The following CAMKMT variants were observed in gnomAD, a reference collection of about 807,000 sequenced individuals.
CAMKMT encodes CaM KMT.
Under a neutral mutation model 48.0 loss-of-function variants are expected in CAMKMT, and 53 were observed. The ratio of observed to expected loss-of-function variants is 1.10; its 90% CI spans 0.89 to 1.39. The LOEUF (loss-of-function observed/expected upper bound fraction) is 1.39, where lower values mean the gene tolerates loss of function less well. CAMKMT is among the 40% of genes most tolerant of loss of function. The pLI is 0.00. For missense variants in CAMKMT, 428 were observed against 402.7 expected, an observed-to-expected ratio of 1.06 and a Z score of -0.54; for synonymous variants, 165 against 152.3, an observed-to-expected ratio of 1.08 and a Z score of -0.61.
At chr2:44,633,074 AT>A (rs376818873) in intron 3 of CAMKMT, among the ~76,000 whole-genome samples, 1 of 151,952 alleles carries the variant, frequency 6.6e-6, no homozygotes, top group Non-Finnish European at 1.5e-5. Flanking sequence ...ATTTACTTTG[AT>A]TTTTTTCTTT....
intron 1 of CAMKMT, among the ~76,000 whole-genome samples, chr2:44,366,718 G>A (rs111939964): frequency 3.3e-5 from 5 of 150,102 alleles, no homozygotes; most frequent in South Asian, 2.1e-4. Flanking sequence ...AGCAGCTATT[G>A]TTATTATTAT....
intron 3 of CAMKMT, among the ~76,000 whole-genome samples, chr2:44,508,511 C>G (rs900183536): frequency 6.6e-6 from 1 of 152,132 alleles, no homozygotes; most frequent in African/African-American, 2.4e-5. Context: ...CCCTCACACT[C>G]AAAGGTTGTG....
chr2:44,391,808 C>G (rs1399872161), intron 3 of CAMKMT: 1 of 153,106 alleles, frequency 6.5e-6, no homozygotes, highest in African/African-American at 2.4e-5. Flanking sequence ...GTTCCATACC[C>G]CGTGTTGTTG....
intron 3 of CAMKMT, among the ~76,000 whole-genome samples, chr2:44,520,678 A>T (rs543512789): frequency 6.6e-6 from 1 of 152,166 alleles, no homozygotes; most frequent in Non-Finnish European, 1.5e-5. Context: ...TATGCACCTA[A>T]TCTCTCTGAT....
intron 3 of CAMKMT, among the ~76,000 whole-genome samples, chr2:44,548,065 G>C (rs1667502921): frequency 6.6e-6 from 1 of 152,210 alleles, no homozygotes; most frequent in Non-Finnish European, 1.5e-5. Context: ...AAAAAGCACA[G>C]AATATGCTGA....
chr2:44,457,997 G>A (rs1164891903), intron 3 of CAMKMT, among the ~76,000 whole-genome samples: 2 of 150,536 alleles, frequency 1.3e-5, no homozygotes, highest in African/African-American at 4.9e-5. Flanking sequence ...GATTAATCTG[G>A]GTTTGGAGAC....
At chr2:44,530,247 A>T (rs192408759) in intron 3 of CAMKMT, among the ~76,000 whole-genome samples, 1 of 152,334 alleles carries the variant, frequency 6.6e-6, no homozygotes, top group Admixed American at 6.5e-5. Context: ...GGGCTTGTTA[A>T]TAAACAAAGA....
chr2:44,666,612 C>CTTTTTTTTT lies in CAMKMT; in HGVS notation c.377-37662_377-37654dup, dbSNP rs1293884982. Among the ~76,000 whole-genome samples, 472 of 133,914 alleles carry CTTTTTTTTT rather than the reference C, an allele frequency of 3.5e-3. 16 individuals are homozygous for CTTTTTTTTT. The highest frequency in any genetic ancestry group is 0.013 in the African/African-American group (444 of 34,094). 87.9% of individuals were successfully genotyped at this position (133,914 alleles called of 152,430 possible). A position where few individuals can be genotyped will look rare whatever the true frequency, so the allele number is the denominator to read the frequency against. On this transcript the variant is annotated intron_variant, in intron 3 of 10. Coordinates refer to ENST00000378494, the MANE Select transcript of CAMKMT (RefSeq NM_024766.5). The stretch of plus-strand genomic sequence containing the variant: ...TTGATCTCCTTTTGGCTCCTGGAAT[C>CTTTTTTTTT]TTTTTTTTTTTTTTTTTGAGACAGA...
intron 3 of CAMKMT, among the ~76,000 whole-genome samples, chr2:44,699,076 A>T (rs899591238): frequency 1.3e-5 from 2 of 152,220 alleles, no homozygotes; most frequent in Non-Finnish European, 2.9e-5. Flanking sequence ...TTCTCTTGCT[A>T]TTTCCACCTC....
chr2:44,515,371 G>T (rs1670783731), intron 3 of CAMKMT, among the ~76,000 whole-genome samples: 1 of 152,172 alleles, frequency 6.6e-6, no homozygotes, highest in African/African-American at 2.4e-5. Flanking sequence ...CAGTCAAAAT[G>T]CTTACAATCT....
chr2:44,599,813 C>A (rs1488803146), intron 3 of CAMKMT, among the ~76,000 whole-genome samples: 4 of 125,434 alleles, frequency 3.2e-5, no homozygotes, highest in Non-Finnish European at 6.8e-5. Context: ...GGAGTTGACA[C>A]CTTGGCAAGG....
rs1572938414 is a variant in CAMKMT at position 44,622,448 on chromosome 2, A to G, written c.377-81835A>G. 2.0e-5 allele frequency among the ~76,000 whole-genome samples: 3 copies of G among 152,350 alleles called. No homozygotes were observed. The South Asian group carries it at 6.2e-4, about 32-fold the overall frequency. On this transcript the variant is annotated intron_variant, in intron 3 of 10. Transcript: ENST00000378494. ...GTACACTTGAACCCATCACCCAGAA[A>G]GTGAGCATAGTACCTAATACGCAGT... is the stretch of plus-strand genomic sequence containing the variant.
chr2:44,371,509 C>G (rs1367405909), intron 1 of CAMKMT, among the ~76,000 whole-genome samples: 1 of 152,086 alleles, frequency 6.6e-6, no homozygotes, highest in Non-Finnish European at 1.5e-5. Context: ...TTTCAAATAT[C>G]TTTTTCTTTA....
At chr2:44,626,481 T>C (rs78347550) in intron 3 of CAMKMT, among the ~76,000 whole-genome samples, 2 of 152,278 alleles carry the variant, frequency 1.3e-5, no homozygotes, top group East Asian at 3.9e-4. Context: ...TTTGGGCTAT[T>C]ATGTCAAAAT....
chr2:44,477,272 A>G (rs893871570), intron 3 of CAMKMT, among the ~76,000 whole-genome samples: 6 of 152,196 alleles, frequency 3.9e-5, no homozygotes, highest in Non-Finnish European at 8.8e-5. Flanking sequence ...GTTATCAGAA[A>G]TTTTGGAGAA....
At chr2:44,563,515 G>A (rs1287457367) in intron 3 of CAMKMT, among the ~76,000 whole-genome samples, 1 of 148,372 alleles carries the variant, frequency 6.7e-6, no homozygotes, top group African/African-American at 2.4e-5. Flanking sequence ...GGGTACATGT[G>A]CACAACGTGC....
intron 3 of CAMKMT, among the ~76,000 whole-genome samples, chr2:44,569,841 C>T (rs1668814618): frequency 6.6e-6 from 1 of 152,102 alleles, no homozygotes; most frequent in African/African-American, 2.4e-5. Flanking sequence ...GCATATCAGT[C>T]TGATGATGTG....
intron 2 of CAMKMT, among the ~76,000 whole-genome samples, chr2:44,378,196 T>C (rs1397704144): frequency 3.9e-5 from 6 of 152,224 alleles, no homozygotes; most frequent in Non-Finnish European, 8.8e-5. Flanking sequence ...TTTTTATGGA[T>C]CTTAAATCAT....
intron 2 of CAMKMT, among the ~76,000 whole-genome samples, chr2:44,374,258 A>T (rs1252209090): frequency 6.6e-6 from 1 of 152,034 alleles, no homozygotes; most frequent in Admixed American, 6.6e-5. Context: ...CTTTTGATGG[A>T]GATAATCAGT....
Sources: gnomAD v4.1 joint callset for allele counts (sites outside exome capture counted in the v4.1 genomes callset) on GRCh38, gnomAD v4.1.1 for gene constraint, MANE v1.5 for transcripts, NCBI Gene and HGNC (gene_info 2026-07-23, HGNC 2026-07-21) for gene names.